Variants in EYS observed in about 807,000 individuals in gnomAD.
EYS encodes the protein EGF-like photoreceptor maintenance factor, also known as protein eyes shut homolog.
EYS carries 250 observed loss-of-function variants against 282.1 expected under a neutral mutation model. The ratio of observed to expected loss-of-function variants is 0.89; its 90% CI spans 0.80 to 0.98. The LOEUF is 0.98. Among genes scored for constraint, EYS ranks in the 50% least tolerant of loss-of-function variants. The pLI is 0.00. For missense variants in EYS, 4,016 were observed against 3,709.0 expected (o/e 1.08, Z -2.15); for synonymous variants, 1,355 against 1,282.9 (o/e 1.06, Z -1.20).
intron 30 of EYS, among the ~76,000 whole-genome samples, chr6:64,267,844 A>T (rs1455745485): frequency 6.6e-6 from 1 of 152,116 alleles, no homozygotes; most frequent in Non-Finnish European, 1.5e-5. Context: ...AAATATTTTC[A>T]TGTTTTACGT....
intron 29 of EYS, among the ~76,000 whole-genome samples, chr6:64,347,653 T>C (rs984343144): frequency 4.0e-5 from 6 of 151,386 alleles, no homozygotes; most frequent in African/African-American, 1.2e-4. Flanking sequence ...TTACTTTGCT[T>C]CTTTCTTGGC....
chr6:63,780,359 C>T (rs555089857), intron 39 of EYS, among the ~76,000 whole-genome samples: 14 of 152,222 alleles, frequency 9.2e-5, no homozygotes, highest in East Asian at 1.9e-4. Context: ...TTTACAGTAC[C>T]GCCAACAGTG....
At chr6:64,343,253 A>AT (rs1207018275) in intron 29 of EYS, among the ~76,000 whole-genome samples, 9 of 151,548 alleles carry the variant, frequency 5.9e-5, no homozygotes, top group South Asian at 2.1e-4. Flanking sequence ...CAGAATATAC[A>AT]TTTTTTTTCA....
chr6:65,556,754 A>T lies in EYS; in HGVS notation c.-332-60761T>A, dbSNP rs1399644068. On this transcript the variant is annotated intron_variant, in intron 2 of 42. Coordinates refer to ENST00000503581, the MANE Select transcript of EYS (RefSeq NM_001142800.2). ...CTTTAGTTTTTTCAGGTGTACCTTG[A>T]CTTAATTTTGCAACAATTCACTTAA... Among the ~76,000 whole-genome samples the T allele has an allele frequency of 2.6e-5, 4 of 152,244 alleles. No individual in the cohort carries two copies. The East Asian group carries it at 7.7e-4, about 29-fold the overall frequency.
rs149681797 is a variant in EYS, at chr6:65,475,337, C to T, written c.862+15257G>A. On this transcript the variant is annotated intron_variant, in intron 5 of 42. Transcript: ENST00000503581. The stretch of plus-strand genomic sequence containing the variant: ...AAAGAGCTACTGCTTTTCATTTATT[C>T]AATAATAGGTACATTGAATCTTTCT... 2.0e-3 allele frequency among the ~76,000 whole-genome samples: 309 copies of T among 152,042 alleles called. 3 individuals are homozygous for T. Among genetic ancestry groups the T allele is most frequent in the African/African-American group, 7.4e-3 (306 of 41,528 alleles).
At chr6:64,138,276 C>G (rs904467301) in intron 31 of EYS, among the ~76,000 whole-genome samples, 1 of 152,066 alleles carries the variant, frequency 6.6e-6, no homozygotes, top group African/African-American at 2.4e-5. Context: ...ACATAAAACT[C>G]AAAATAATCT....
intron 36 of EYS, among the ~76,000 whole-genome samples, chr6:63,839,629 A>G (rs1209753775): frequency 6.6e-6 from 1 of 152,184 alleles, no homozygotes; most frequent in Non-Finnish European, 1.5e-5. Flanking sequence ...CATTACAGGT[A>G]TGAGTCACAG....
At chr6:63,968,979 A>G (rs1034343616) in intron 35 of EYS, among the ~76,000 whole-genome samples, 2 of 152,254 alleles carry the variant, frequency 1.3e-5, no homozygotes, top group African/African-American at 4.8e-5. Context: ...TTTTTAAATA[A>G]TAGCATAATA....
intron 35 of EYS, among the ~76,000 whole-genome samples, chr6:63,963,408 G>T (rs1390680356): frequency 5.9e-5 from 9 of 152,086 alleles, no homozygotes; most frequent in African/African-American, 1.7e-4. Context: ...AAGGAGAAAA[G>T]AAATATTCAT....
At chr6:65,134,366 T>C (rs1775964076) in intron 12 of EYS, among the ~76,000 whole-genome samples, 1 of 151,932 alleles carries the variant, frequency 6.6e-6, no homozygotes, top group African/African-American at 2.4e-5. Context: ...TAATGACAGA[T>C]TGGATAAAGA....
At chr6:64,620,884 T>C (rs1767424905) in intron 23 of EYS, among the ~76,000 whole-genome samples, 1 of 152,222 alleles carries the variant, frequency 6.6e-6, no homozygotes, top group Non-Finnish European at 1.5e-5. Context: ...GTTAAACTAA[T>C]AGTATTAACC....
intron 31 of EYS, among the ~76,000 whole-genome samples, chr6:64,218,756 G>A (rs1766006632): frequency 6.6e-6 from 1 of 152,136 alleles, no homozygotes; most frequent in African/African-American, 2.4e-5. Context: ...GAAAGCAGTT[G>A]GACAGCTGGA....
intron 31 of EYS, among the ~76,000 whole-genome samples, chr6:64,200,507 A>T (rs1326570196): frequency 3.3e-5 from 5 of 152,310 alleles, no homozygotes; most frequent in Middle Eastern, 3.4e-3. Flanking sequence ...ATTGCATACT[A>T]GCCTATGGTA....
chr6:65,692,426 G>A (rs1769277898), intron 1 of EYS, among the ~76,000 whole-genome samples: 1 of 149,782 alleles, frequency 6.7e-6, no homozygotes, highest in Non-Finnish European at 1.5e-5. Context: ...AAAAGAAGCA[G>A]AATATGAAAA....
chr6:64,465,566 AC>A (rs551582071), intron 26 of EYS, among the ~76,000 whole-genome samples: 367 of 152,236 alleles, frequency 2.4e-3, no homozygotes, highest in African/African-American at 8.4e-3. Context: ...ATAAAAATAA[AC>A]CTTTACATCA....
chr6:63,940,181 A>G (rs1765190374), intron 35 of EYS, among the ~76,000 whole-genome samples: 2 of 152,184 alleles, frequency 1.3e-5, no homozygotes, highest in South Asian at 4.1e-4. Context: ...TGATGCTGGA[A>G]GTGTTCCCAA....
intron 19 of EYS, among the ~76,000 whole-genome samples, chr6:64,830,461 C>T (rs80136696): frequency 0.041 from 6,194 of 151,822 alleles, 164 homozygotes; most frequent in East Asian, 0.1. Context: ...CATTCATGAA[C>T]AAACAAAAAA....
intron 1 of EYS, among the ~76,000 whole-genome samples, chr6:65,701,375 G>A (rs535901121): frequency 1.1e-4 from 16 of 152,138 alleles, no homozygotes; most frequent in African/African-American, 3.9e-4. Context: ...AATAACATGG[G>A]AAAATTGAAA....
chr6:65,328,522 T>C (rs745940340), intron 11 of EYS, among the ~76,000 whole-genome samples: 14 of 151,300 alleles, frequency 9.3e-5, no homozygotes, highest in Non-Finnish European at 1.9e-4. Context: ...AACCTATAAA[T>C]GTTACTGATA....
Sources: gnomAD v4.1 joint callset for allele counts (sites outside exome capture counted in the v4.1 genomes callset) on GRCh38, gnomAD v4.1.1 for gene constraint, MANE v1.5 for transcripts, NCBI Gene and HGNC (gene_info 2026-07-23, HGNC 2026-07-21) for gene names.